Variants in CCDC172 observed in about 807,000 individuals in gnomAD.
CCDC172 encodes the protein coiled-coil domain-containing protein 172.
A neutral mutation model predicts 38.0 loss-of-function variants in CCDC172; 30 were observed. The observed-to-expected ratio is 0.79, with a 90% CI of 0.59 to 1.07. The LOEUF (loss-of-function observed/expected upper bound fraction) is 1.07. CCDC172 is among the 50% of genes least tolerant of loss of function. The pLI is 0.00. For synonymous variants in CCDC172, 78 were observed against 88.3 expected (o/e 0.88, Z 0.66); for missense variants, 297 against 290.1 (o/e 1.02, Z -0.17).
At chr10:116,346,007 C>T (rs1844862008) in intron 5 of CCDC172, among the ~76,000 whole-genome samples, 2 of 152,020 alleles carry the variant, frequency 1.3e-5, no homozygotes, top group African/African-American at 2.4e-5. Context: ...TCACAGTAGT[C>T]AAAAATTGAA....
chr10:116,357,549 T>A, intron 6 of CCDC172, 68 bp downstream of exon 6: 1 of 1,246,340 alleles, frequency 8.0e-7, no homozygotes. Context: ...AAGGGCATAT[T>A]ATTCTTTTAA....
chr10:116,333,734 C>T (rs1268403872), intron 3 of CCDC172, among the ~76,000 whole-genome samples: 1 of 152,140 alleles, frequency 6.6e-6, no homozygotes, highest in East Asian at 1.9e-4. Context: ...TACTGTCTCG[C>T]TGAGATGAGC....
intron 7 of CCDC172, among the ~76,000 whole-genome samples, chr10:116,373,401 A>G (rs768146632): frequency 6.6e-6 from 1 of 152,234 alleles, no homozygotes; most frequent in African/African-American, 2.4e-5. Context: ...TTTATAGCAT[A>G]TGTAAAAACA....
intron 6 of CCDC172, 135 bp downstream of exon 6, chr10:116,357,616 A>C: frequency 1.2e-6 from 1 of 869,240 alleles, no homozygotes; most frequent in Non-Finnish European, 1.7e-6. Flanking sequence ...GAAATAGATA[A>C]AACACTAATC....
At chr10:116,374,199 A>G (rs1423692754) in intron 7 of CCDC172, among the ~76,000 whole-genome samples, 1 of 152,148 alleles carries the variant, frequency 6.6e-6, no homozygotes, top group East Asian at 1.9e-4. Context: ...ATTGCACTTA[A>G]TGATGAGCCC....
intron 5 of CCDC172, among the ~76,000 whole-genome samples, chr10:116,355,343 T>C (rs560426092): frequency 2.6e-5 from 4 of 152,350 alleles, no homozygotes; most frequent in Non-Finnish European, 5.9e-5. Flanking sequence ...AGTAACATGC[T>C]GTATAGGTTT....
chr10:116,359,383 T>TAGTTGC (rs1450407071), intron 7 of CCDC172, among the ~76,000 whole-genome samples: 1 of 152,234 alleles, frequency 6.6e-6, no homozygotes, highest in Non-Finnish European at 1.5e-5. Context: ...AATTCCATAA[T>TAGTTGC]AGTTGCATTT....
Position 116,358,435 on chromosome 10 carries a change from T to C in CCDC172, c.653+497T>C, listed in dbSNP as rs925696314. Among the ~76,000 whole-genome samples the C allele has an allele frequency of 3.3e-5, 5 of 152,262 alleles. No homozygotes were observed. The South Asian group carries it at 8.3e-4, about 25-fold the overall frequency. On this transcript the variant is annotated intron_variant, in intron 7 of 8. Transcript: ENST00000333254. Reference sequence around the variant, plus strand: ...TGAATGTATGATATTTGAAGTGACATAGTCATAAACACAAGGAGTAAAGAC... The same window carrying C: ...TGAATGTATGATATTTGAAGTGACACAGTCATAAACACAAGGAGTAAAGAC...
At chr10:116,362,083 G>A (rs948256400) in intron 7 of CCDC172, among the ~76,000 whole-genome samples, 1 of 152,118 alleles carries the variant, frequency 6.6e-6, no homozygotes, top group Non-Finnish European at 1.5e-5. Context: ...TCAGCTACTC[G>A]GGAGGCTGAG....
intron 3 of CCDC172, among the ~76,000 whole-genome samples, chr10:116,327,456 T>C (rs920340894): frequency 4.6e-5 from 7 of 152,156 alleles, no homozygotes; most frequent in African/African-American, 1.7e-4. Context: ...AATGTTACTC[T>C]GTAATATTTT....
At chr10:116,342,496 T>C (rs1178568427) in intron 5 of CCDC172, among the ~76,000 whole-genome samples, 1 of 152,152 alleles carries the variant, frequency 6.6e-6, no homozygotes, top group Non-Finnish European at 1.5e-5. Context: ...GAAGAAAATA[T>C]GTAAGCAGAC....
At chr10:116,335,420 TTGGCCCTC>T (rs1450245563) in intron 3 of CCDC172, among the ~76,000 whole-genome samples, 19 of 137,370 alleles carry the variant, frequency 1.4e-4, no homozygotes, top group Middle Eastern at 7.5e-3. Context: ...TAAAATATCT[TTGGCCCTC>T]TGGAAGGGTA....
At chr10:116,354,259 TAATA>T (rs1418893788) in intron 5 of CCDC172, among the ~76,000 whole-genome samples, 1 of 152,206 alleles carries the variant, frequency 6.6e-6, no homozygotes, top group Non-Finnish European at 1.5e-5. Flanking sequence ...TTGCTAAAGA[TAATA>T]AATGACTATG....
At chr10:116,377,600 C>T (rs1565726655) in intron 7 of CCDC172, among the ~76,000 whole-genome samples, 1 of 152,034 alleles carries the variant, frequency 6.6e-6, no homozygotes, top group African/African-American at 2.4e-5. Context: ...GGAAAAGAAA[C>T]TTAATTGGGG....
chr10:116,330,260 C>G (rs1293314385), intron 3 of CCDC172, among the ~76,000 whole-genome samples: 1 of 152,136 alleles, frequency 6.6e-6, no homozygotes, highest in East Asian at 1.9e-4. Context: ...AGCTTGGCAG[C>G]TTCCTGGTAC....
intron 3 of CCDC172, among the ~76,000 whole-genome samples, chr10:116,332,080 G>C (rs956566986): frequency 4.6e-5 from 7 of 152,098 alleles, no homozygotes; most frequent in African/African-American, 1.7e-4. Flanking sequence ...CTCTTTGCCT[G>C]TGATTTTTGT....
chr10:116,345,506 A>G (rs1047163138), intron 5 of CCDC172, among the ~76,000 whole-genome samples: 3 of 152,236 alleles, frequency 2.0e-5, no homozygotes, highest in Non-Finnish European at 4.4e-5. Context: ...TTGAAAAGAC[A>G]CTTAAGAAAA....
intron 3 of CCDC172, among the ~76,000 whole-genome samples, chr10:116,330,730 G>GT (rs1203575382): frequency 6.6e-6 from 1 of 151,868 alleles, no homozygotes; most frequent in Non-Finnish European, 1.5e-5. Flanking sequence ...TTAATTTTTT[G>GT]TTTTTATTTA....
chr10:116,346,161 G>A (rs1240845809), intron 5 of CCDC172, among the ~76,000 whole-genome samples: 2 of 151,772 alleles, frequency 1.3e-5, no homozygotes, highest in African/African-American at 2.4e-5. Context: ...GCGTGGTGTC[G>A]GGCACCTGTA....
Sources: allele counts gnomAD v4.1 joint callset (sites outside exome capture counted in the v4.1 genomes callset), GRCh38; gene constraint gnomAD v4.1.1; transcripts MANE v1.5; gene names NCBI Gene and HGNC (gene_info 2026-07-23, HGNC 2026-07-21).